LRP1B: variants seen among roughly 807,000 people sequenced by gnomAD.
The protein encoded by LRP1B is LDL receptor related protein 1B, also known as low-density lipoprotein receptor-related protein 1B.
A neutral mutation model predicts 556.6 loss-of-function variants in LRP1B; 217 were observed. The observed-to-expected ratio is 0.39, with a 90% CI of 0.35 to 0.44. The LOEUF is 0.44. Among genes scored for constraint, LRP1B ranks in the 20% least tolerant of loss-of-function variants. The pLI is 1.00. For synonymous variants in LRP1B, 2,047 were observed against 1,865.8 expected, an observed-to-expected ratio of 1.10 and a Z score of -2.50; for missense variants, 5,053 against 5,620.8, an observed-to-expected ratio of 0.90 and a Z score of 3.23.
At chr2:141,022,861 TCTA>T (rs1206478772) in intron 11 of LRP1B, among the ~76,000 whole-genome samples, 1 of 151,980 alleles carries the variant, frequency 6.6e-6, no homozygotes, top group East Asian at 1.9e-4. Flanking sequence ...ATTCATATTT[TCTA>T]CTATTTATTA....
chr2:141,203,070 A>C (rs924942604), intron 6 of LRP1B, among the ~76,000 whole-genome samples: 7 of 152,194 alleles, frequency 4.6e-5, no homozygotes, highest in Admixed American at 4.6e-4. Flanking sequence ...AACTGGTACC[A>C]GCCGCTGCAA....
intron 1 of LRP1B, among the ~76,000 whole-genome samples, chr2:141,918,937 A>G (rs1700108926): frequency 6.6e-6 from 1 of 152,138 alleles, no homozygotes; most frequent in South Asian, 2.1e-4. Context: ...AATCTCATGC[A>G]GAGACTTGAA....
chr2:140,829,206 T>A (rs74705140), intron 31 of LRP1B, among the ~76,000 whole-genome samples: 27 of 152,088 alleles, frequency 1.8e-4, no homozygotes, highest in Non-Finnish European at 3.2e-4. Flanking sequence ...CACCTCACTC[T>A]CAGTAATTGA....
At chr2:141,954,382 C>G (rs1701192034) in intron 1 of LRP1B, among the ~76,000 whole-genome samples, 1 of 151,998 alleles carries the variant, frequency 6.6e-6, no homozygotes. Flanking sequence ...TATCTTAATG[C>G]CAAGCACAGT....
At chr2:141,283,525 A>T (rs1486853210) in intron 3 of LRP1B, among the ~76,000 whole-genome samples, 1 of 151,868 alleles carries the variant, frequency 6.6e-6, no homozygotes, top group African/African-American at 2.4e-5. Context: ...TCACTGAAGG[A>T]TTAGGAAACT....
At chr2:140,437,840 G>GTT (rs1037969247) in intron 66 of LRP1B, among the ~76,000 whole-genome samples, 2 of 152,114 alleles carry the variant, frequency 1.3e-5, no homozygotes, top group Non-Finnish European at 2.9e-5. Flanking sequence ...AGAGGTGGAC[G>GTT]TTAGTTGTTA....
chr2:141,731,021 A>G (rs1693251013), intron 2 of LRP1B, among the ~76,000 whole-genome samples: 1 of 152,154 alleles, frequency 6.6e-6, no homozygotes, highest in Non-Finnish European at 1.5e-5. Context: ...GTGACTCCCA[A>G]CGGGGGGTGT....
chr2:141,632,525 C>T, intron 2 of LRP1B, among the ~76,000 whole-genome samples: 1 of 152,144 alleles, frequency 6.6e-6, no homozygotes, highest in East Asian at 1.9e-4. Flanking sequence ...CAGTGCTATA[C>T]TATTCTATTT....
At chr2:141,735,795 A>G (rs1693443314) in intron 2 of LRP1B, among the ~76,000 whole-genome samples, 1 of 152,156 alleles carries the variant, frequency 6.6e-6, no homozygotes, top group Non-Finnish European at 1.5e-5. Flanking sequence ...ACCTAGCAAG[A>G]GCAGCATGTC....
At chr2:141,393,941 A>G (rs924286396) in intron 3 of LRP1B, among the ~76,000 whole-genome samples, 3 of 152,128 alleles carry the variant, frequency 2.0e-5, no homozygotes, top group African/African-American at 4.8e-5. Context: ...ATGGACTAGT[A>G]ATTTTATCTT....
chr2:141,813,984 C>A (rs542299695), intron 1 of LRP1B, among the ~76,000 whole-genome samples: 64 of 152,112 alleles, frequency 4.2e-4, no homozygotes, highest in African/African-American at 1.5e-3. Context: ...AACCACAAGT[C>A]TCAGGAAGAC....
intron 41 of LRP1B, among the ~76,000 whole-genome samples, chr2:140,621,309 T>A (rs1009883571): frequency 6.9e-6 from 1 of 145,984 alleles, no homozygotes; most frequent in Middle Eastern, 3.7e-3. Flanking sequence ...TGGCATGAAC[T>A]CAGGAGCAGA....
chr2:140,664,150 C>T (rs764847591), intron 41 of LRP1B, among the ~76,000 whole-genome samples: 1 of 152,080 alleles, frequency 6.6e-6, no homozygotes, highest in Non-Finnish European at 1.5e-5. Flanking sequence ...TCACTGATTG[C>T]AAATTACCAT....
At chr2:140,290,405 T>C (rs1683326241) in intron 84 of LRP1B, among the ~76,000 whole-genome samples, 1 of 152,066 alleles carries the variant, frequency 6.6e-6, no homozygotes, top group African/African-American at 2.4e-5. Context: ...AGAACCTGAA[T>C]GAAGACAACA....
At chr2:141,979,879 C>T (rs892295465) in intron 1 of LRP1B, among the ~76,000 whole-genome samples, 1 of 152,026 alleles carries the variant, frequency 6.6e-6, no homozygotes, top group Non-Finnish European at 1.5e-5. Context: ...GATCATCATG[C>T]CCATTATCAG....
chr2:142,052,040 G>A (rs1386491476), intron 1 of LRP1B, among the ~76,000 whole-genome samples: 2 of 152,046 alleles, frequency 1.3e-5, no homozygotes, highest in African/African-American at 4.8e-5. Context: ...TGGAACCTTA[G>A]TTTATGTGAG....
chr2:140,485,620 T>C, intron 58 of LRP1B, 96 bp from the exon 59 acceptor site: 1 of 835,396 alleles, frequency 1.2e-6, no homozygotes, highest in Non-Finnish European at 1.8e-6. Context: ...AGAATTCCAT[T>C]TAAATGTAAA....
At chr2:141,850,805 T>C (rs1322219111) in intron 1 of LRP1B, among the ~76,000 whole-genome samples, 7 of 151,632 alleles carry the variant, frequency 4.6e-5, no homozygotes, top group Admixed American at 3.3e-4. Context: ...CTAATAAGAA[T>C]TTCCTGAAGC....
intron 31 of LRP1B, among the ~76,000 whole-genome samples, chr2:140,815,435 C>G (rs1691082047): frequency 6.6e-6 from 1 of 152,054 alleles, no homozygotes; most frequent in South Asian, 2.1e-4. Context: ...ACCTCCTGAG[C>G]TGCTGGAATT....
Sources: gnomAD v4.1 joint callset for allele counts (sites outside exome capture counted in the v4.1 genomes callset) on GRCh38, gnomAD v4.1.1 for gene constraint, MANE v1.5 for transcripts, NCBI Gene and HGNC (gene_info 2026-07-23, HGNC 2026-07-21) for gene names.